Variants in GPD1 observed in about 807,000 individuals in gnomAD.
GPD1 encodes glycerol-3-phosphate dehydrogenase [NAD(+)], cytoplasmic.
Under a neutral mutation model 34.4 loss-of-function variants are expected in GPD1, and 19 were observed. The ratio of observed to expected loss-of-function variants is 0.55; its 90% CI spans 0.39 to 0.81. The LOEUF is 0.81. GPD1 is among the 30% of genes least tolerant of loss of function. GPD1 has a pLI of 0.00. For missense variants in GPD1, 429 were observed against 447.0 expected (o/e 0.96, Z 0.36); for synonymous variants, 172 against 174.1 (o/e 0.99, Z 0.09).
chr12:50,104,030 C>T lies in GPD1; in HGVS notation c.-21C>T, dbSNP rs1255992814. The T allele has an allele frequency of 6.2e-7, 1 of 1,613,642 alleles. No homozygotes were observed. The highest frequency in any genetic ancestry group is 8.5e-7 in the Non-Finnish European group (1 of 1,179,704). ...GCTAGGGAGTGTGGCACTGAGCCGG[C>T]TCAGGCAGAGACGCGGCACCATGGC... On this transcript the variant is annotated 5_prime_UTR_variant, in exon 1 of 8. Coordinates refer to ENST00000301149, the MANE Select transcript of GPD1 (RefSeq NM_005276.4).
intron 7 of GPD1, among the ~76,000 whole-genome samples, chr12:50,108,777 C>G (rs1441495529): frequency 6.6e-6 from 1 of 152,168 alleles, no homozygotes; most frequent in African/African-American, 2.4e-5. Context: ...TTCACATACA[C>G]AATCATTCCT....
rs760177680 is a variant in GPD1, at chr12:50,104,083, C to T, written c.33C>T (p.Ser11=). 1.3e-5 allele frequency: 21 copies of T among 1,613,904 alleles called. No individual in the cohort carries two copies. Among genetic ancestry groups the T allele is most frequent in the Admixed American group, 6.7e-5 (4 of 60,002 alleles). The stretch of plus-strand genomic sequence containing the variant: ...GCAAGAAAGTCTGCATTGTAGGCTC[C>T]GGGAACTGGTAAGCAGCTCTGTCAA... MASKKVCIVG[S]GNWGSAIAKI... is the part of the protein sequence containing the mutation. Residue 11 remains serine (S), a synonymous_variant, in exon 1 of 8, where the codon TCC becomes TCT. Coordinates refer to ENST00000301149, the MANE Select transcript of GPD1 (RefSeq NM_005276.4).
Position 50,104,028 on chromosome 12 carries a change from G to A in GPD1, c.-23G>A, listed in dbSNP as rs781177573. The A allele has an allele frequency of 5.0e-6, 8 of 1,613,726 alleles. No homozygotes were observed. In the East Asian group the frequency reaches 1.1e-4, roughly 22 times the overall value. The stretch of plus-strand genomic sequence containing the variant: ...GAGCTAGGGAGTGTGGCACTGAGCC[G>A]GCTCAGGCAGAGACGCGGCACCATG... On this transcript the variant is annotated 5_prime_UTR_variant, in exon 1 of 8. Transcript: ENST00000301149.
Position 50,107,149 on chromosome 12 carries a change from C to G in GPD1, c.612+232C>G, listed in dbSNP as rs1433268403. 4.4e-6 allele frequency: 3 copies of G among 678,328 alleles called. No individual in the cohort carries two copies. The African/African-American group carries it at 5.3e-5, about 12-fold the overall frequency. 42.0% of individuals were successfully genotyped at this position (678,328 alleles called of 1,614,324 possible). ...CCCCTTGCTCCTGTCCCATTTTAGC[C>G]CCGTGTGGGACTCCCCACCCTCTGG... On this transcript the variant is annotated intron_variant, in intron 5 of 7. Transcript: ENST00000301149.
rs569087930 is a variant in GPD1 at position 50,111,110 on chromosome 12, G to A, written c.*1591G>A. ...GGGCTGCCCAGATCAGGCAGCAGGA[G>A]TGAGGGGCACAGTCACCCCAGGCCT... On this transcript the variant is annotated 3_prime_UTR_variant, in exon 8 of 8. Transcript: ENST00000301149. The surrounding 1 kb of genome is among the most constrained non-coding windows in gnomAD (Gnocchi z 4.1). 1.3e-5 allele frequency: 2 copies of A among 152,524 alleles called. No individual in the cohort carries two copies. The highest frequency in any genetic ancestry group is 6.5e-5 in the Admixed American group (1 of 15,300). The allele number at this position is 152,524 out of a possible 1,614,324, so 9.4% of individuals were successfully genotyped here. A position where few individuals can be genotyped will look rare whatever the true frequency, so the allele number is the denominator to read the frequency against.
At position 50,106,311 on chromosome 12, in the gene GPD1, G is replaced by A; in HGVS notation, c.384G>A (p.Gly128=). Residue 128 remains glycine (G), a synonymous_variant, in exon 4 of 8, where the codon GGG becomes GGA. Transcript: ENST00000301149. The stretch of plus-strand genomic sequence containing the variant: ...AGGGGGTAGACGAGGGCCCCAATGG[G>A]CTGAAGCTCATCTCGGAAGTGATTG... ...LIKGVDEGPN[G]LKLISEVIGE... 6.2e-7 allele frequency: 1 copy of A among 1,613,138 alleles called. No individual in the cohort carries two copies. Among genetic ancestry groups the A allele is most frequent in the Non-Finnish European group, 8.5e-7 (1 of 1,179,668 alleles).
intron 1 of GPD1, 164 bp downstream of exon 1, chr12:50,104,255 C>T (rs555545670): frequency 4.8e-5 from 36 of 742,944 alleles, no homozygotes; most frequent in Middle Eastern, 2.7e-4. Context: ...CTCTCCTGAC[C>T]CCCGCCCTCC....
chr12:50,105,292 G>T, intron 2 of GPD1: 1 of 520,486 alleles, frequency 1.9e-6, no homozygotes, highest in Non-Finnish European at 3.5e-6. Flanking sequence ...CCACAGCCAA[G>T]GGATAGGAGA....
intron 3 of GPD1, chr12:50,105,954 G>A: frequency 1.5e-6 from 1 of 675,048 alleles, no homozygotes; most frequent in Non-Finnish European, 2.7e-6. Context: ...GGAGATATGA[G>A]AAGCGGGCTG....
In GPD1 at chr12:50,110,146, C is replaced by T. The variant is rs1315012748; in HGVS notation, c.*627C>T. ...TCCTCAGAAACCTCTGGTTCTCCCC[C>T]TTCCCCCTCCCCCAGGCTGCCCTGG... On this transcript the variant is annotated 3_prime_UTR_variant, in exon 8 of 8. Coordinates refer to ENST00000301149, the MANE Select transcript of GPD1 (RefSeq NM_005276.4). The T allele has an allele frequency of 1.3e-5, 2 of 152,774 alleles. No individual in the cohort carries two copies. The highest frequency in any genetic ancestry group is 2.9e-5 in the Non-Finnish European group (2 of 68,134). 9.5% of individuals were successfully genotyped at this position (152,774 alleles called of 1,614,324 possible).
chr12:50,109,890 C>T lies in GPD1; in HGVS notation c.*371C>T. On this transcript the variant is annotated 3_prime_UTR_variant, in exon 8 of 8. Transcript: ENST00000301149. ...TAGGGCAGGGGCTGCTAGTGGCTGT[C>T]TCACATACACCAGTAATCCTGTTAA... is the stretch of plus-strand genomic sequence containing the variant. 1 of 231,036 alleles carries T rather than the reference C, an allele frequency of 4.3e-6. No homozygotes were observed. The highest frequency in any genetic ancestry group is 8.8e-6 in the Non-Finnish European group (1 of 113,768). The allele number at this position is 231,036 out of a possible 1,614,324, so 14.3% of individuals were successfully genotyped here. A position where few individuals can be genotyped will look rare whatever the true frequency, so the allele number is the denominator to read the frequency against.
Position 50,104,600 on chromosome 12 carries a change from G to A in GPD1, c.68G>A (p.Gly23Asp). Residue 23 changes from glycine (G) to aspartate (D), a missense_variant, in exon 2 of 8, where the codon GGT becomes GAT. Physicochemically the swap from Gly to Asp is moderately conservative, Grantham distance 94 (BLOSUM62 -1). Coordinates refer to ENST00000301149, the MANE Select transcript of GPD1 (RefSeq NM_005276.4). ...GGCTCAGCCATCGCCAAGATCGTGG[G>A]TGGCAATGCAGCCCAGCTGGCACAG... ...NWGSAIAKIV[G>D]GNAAQLAQFD... 6.2e-7 allele frequency: 1 copy of A among 1,613,838 alleles called. No individual in the cohort carries two copies. The highest frequency in any genetic ancestry group is 1.3e-5 in the African/African-American group (1 of 75,044).
chr12:50,109,342 A>C, intron 7 of GPD1, 81 bp from the exon 8 acceptor site: 1 of 773,660 alleles, frequency 1.3e-6, no homozygotes. Flanking sequence ...AAGGGACAGG[A>C]GGGTTAGGCA....
At chr12:50,108,574 G>C (rs924695697) in intron 7 of GPD1, among the ~76,000 whole-genome samples, 4 of 152,166 alleles carry the variant, frequency 2.6e-5, no homozygotes, top group African/African-American at 9.7e-5. Context: ...GACAGCGGGG[G>C]TGATTGGGCT....
At chr12:50,106,016 T>C (rs1565747023) in intron 3 of GPD1, 1 of 625,898 alleles carries the variant, frequency 1.6e-6, no homozygotes, top group Non-Finnish European at 2.9e-6. Context: ...GGTCACTGAA[T>C]GGCAGTTTGT....
chr12:50,108,824 G>C (rs1248970561), intron 7 of GPD1, among the ~76,000 whole-genome samples: 1 of 152,148 alleles, frequency 6.6e-6, no homozygotes, highest in African/African-American at 2.4e-5. Flanking sequence ...TGGTGACACT[G>C]AGGCTCAGAG....
Position 50,106,365 on chromosome 12 carries a change from G to C in GPD1, c.438G>C (p.Val146=), listed in dbSNP as rs1330754373. ...AGCGCCTCGGCATCCCCATGAGTGT[G>C]CTGATGGGGGCCAACATTGCCAGCG... ...IGERLGIPMS[V]LMGANIASEV... Residue 146 remains valine, a synonymous_variant, in exon 4 of 8, where the codon GTG becomes GTC. Coordinates refer to ENST00000301149, the MANE Select transcript of GPD1 (RefSeq NM_005276.4). The C allele has an allele frequency of 3.7e-6, 6 of 1,613,042 alleles. No homozygotes were observed. The Admixed American group carries it at 1.0e-4, about 27-fold the overall frequency.
intron 5 of GPD1, 27 bp from the exon 6 acceptor site, chr12:50,107,540 C>G: frequency 6.4e-7 from 1 of 1,570,014 alleles, no homozygotes; most frequent in South Asian, 1.1e-5. Context: ...GGGGTCTTTT[C>G]TCACCTATGA....
chr12:50,108,126 G>A lies in GPD1; in HGVS notation c.949G>A (p.Asp317Asn). ...YSILQHKGLV[D>N]KFPLFMAVYK... ...CATCCTCCAGCACAAGGGCCTGGTA[G>A]ACAAGTAAGTATTGGCCACAGCCCC... The change falls in exon 7 of 8, where the codon GAC (aspartate) becomes AAC (asparagine). Residue 317 changes from aspartate to asparagine, a missense_variant. By Grantham distance (23) the Asp-to-Asn change is conservative (BLOSUM62 1). Coordinates refer to ENST00000301149, the MANE Select transcript of GPD1 (RefSeq NM_005276.4). The A allele has an allele frequency of 3.2e-6, 5 of 1,582,800 alleles. No individual in the cohort carries two copies. Among genetic ancestry groups the A allele is most frequent in the Non-Finnish European group, 4.3e-6 (5 of 1,152,828 alleles).
Sources: allele counts gnomAD v4.1 joint callset (sites outside exome capture counted in the v4.1 genomes callset), GRCh38; gene constraint gnomAD v4.1.1; non-coding constraint Gnocchi (gnomAD v3.1); transcripts MANE v1.5; gene names NCBI Gene and HGNC (gene_info 2026-07-23, HGNC 2026-07-21).